SPART: variants seen among roughly 807,000 people sequenced by gnomAD.
SPART encodes the protein spartin.
A neutral mutation model predicts 58.7 loss-of-function variants in SPART; 35 were observed. The ratio of observed to expected loss-of-function variants is 0.60; its 90% CI spans 0.46 to 0.79. SPART has a LOEUF of 0.79. Among genes scored for constraint, SPART ranks in the 30% least tolerant of loss-of-function variants. SPART has a pLI of 0.00. For missense variants in SPART, 730 were observed against 786.1 expected (o/e 0.93, Z 0.85); for synonymous variants, 284 against 280.7 (o/e 1.01, Z -0.12).
At chr13:36,362,088 C>T (rs1021413681) in intron 1 of SPART, among the ~76,000 whole-genome samples, 6 of 152,176 alleles carry the variant, frequency 3.9e-5, no homozygotes, top group African/African-American at 9.7e-5. Context: ...TGGTGGCTCA[C>T]GCCTGTAATC....
chr13:36,344,384 G>C (rs911011489), intron 1 of SPART, among the ~76,000 whole-genome samples: 15 of 152,082 alleles, frequency 9.9e-5, no homozygotes, highest in Admixed American at 7.2e-4. Flanking sequence ...GAGTGTGCCT[G>C]TGTGTAGGGG....
At chr13:36,316,446 A>C (rs969138707) in intron 5 of SPART, among the ~76,000 whole-genome samples, 3 of 152,148 alleles carry the variant, frequency 2.0e-5, no homozygotes, top group African/African-American at 7.2e-5. Context: ...ACCTTAACTG[A>C]TGACATTCTA....
In SPART at chr13:36,314,211, T is replaced by C. The variant is rs1319197287; in HGVS notation, c.1483+16A>G. 3 of 1,612,290 alleles carry C rather than the reference T, an allele frequency of 1.9e-6. No homozygotes were observed. Among genetic ancestry groups the C allele is most frequent in the Non-Finnish European group, 2.5e-6 (3 of 1,178,746 alleles). ...AATATAACTTTAAAAAGTAAAGTTA[T>C]CTAGAATTACTTTACCCAGGAACTG... On this transcript the variant is annotated intron_variant, in intron 6 of 8. Coordinates refer to ENST00000438666, the MANE Select transcript of SPART (RefSeq NM_015087.5).
intron 1 of SPART, among the ~76,000 whole-genome samples, chr13:36,342,623 G>A (rs1035895611): frequency 5.3e-5 from 8 of 152,006 alleles, no homozygotes; most frequent in African/African-American, 7.3e-5. Flanking sequence ...CCCTCATCCC[G>A]GTTGTGACAA....
intron 1 of SPART, among the ~76,000 whole-genome samples, chr13:36,338,053 G>A (rs1884193589): frequency 6.6e-6 from 1 of 152,164 alleles, no homozygotes; most frequent in African/African-American, 2.4e-5. Flanking sequence ...AGATGGAAAA[G>A]GCTGAGATAT....
At chr13:36,321,847 C>T (rs1882436705) in intron 5 of SPART, among the ~76,000 whole-genome samples, 2 of 152,112 alleles carry the variant, frequency 1.3e-5, no homozygotes, top group Admixed American at 6.5e-5. Context: ...GTGAATATGC[C>T]CTGCCCCACC....
At chr13:36,348,641 A>C (rs577085554), upstream of SPART, among the ~76,000 whole-genome samples, 1 of 152,348 alleles carries the variant, frequency 6.6e-6, no homozygotes, top group Non-Finnish European at 1.5e-5. Context: ...AAATAAATGT[A>C]ATAAGTGCAA....
At chr13:36,359,391 A>G (rs1885750200) in intron 1 of SPART, among the ~76,000 whole-genome samples, 1 of 152,236 alleles carries the variant, frequency 6.6e-6, no homozygotes, top group Admixed American at 6.5e-5. Flanking sequence ...AAGAGGTAAT[A>G]TACTTTGGAA....
rs1291285356 is a variant in SPART at position 36,302,392 on chromosome 13, A to C, written c.*1973T>G. ...GAGAGTGAATAAGTTAGGCTTGTGG[A>C]CCATATACTCTCTGATGCAACTATT... On this transcript the variant is annotated 3_prime_UTR_variant, in exon 9 of 9. Transcript: ENST00000438666. 1 of 152,168 alleles carries C rather than the reference A, an allele frequency of 6.6e-6. No homozygotes were observed. Among genetic ancestry groups the C allele is most frequent in the Admixed American group, 6.5e-5 (1 of 15,272 alleles). 9.4% of individuals were successfully genotyped at this position (152,168 alleles called of 1,614,324 possible).
intron 5 of SPART, among the ~76,000 whole-genome samples, chr13:36,316,796 G>C (rs1238510082): frequency 6.6e-6 from 1 of 152,122 alleles, no homozygotes; most frequent in African/African-American, 2.4e-5. Context: ...CTCGGATCAG[G>C]GGACCTCCCT....
chr13:36,346,846 G>A (rs1416923732), upstream of SPART: 1 of 152,346 alleles, frequency 6.6e-6, no homozygotes, highest in African/African-American at 2.4e-5. Flanking sequence ...GCCGCTAGAG[G>A]GAGCGCTGGG....
intron 1 of SPART, among the ~76,000 whole-genome samples, chr13:36,368,603 A>G (rs1650678786): frequency 6.6e-6 from 1 of 152,242 alleles, no homozygotes; most frequent in African/African-American, 2.4e-5. Flanking sequence ...GAGGCTATCA[A>G]TATTATAGGT....
At position 36,342,044 on chromosome 13, in the gene SPART, T is replaced by C. The variant is rs545965717; in HGVS notation, c.-3+4181A>G. 1.2e-3 allele frequency among the ~76,000 whole-genome samples: 176 copies of C among 152,320 alleles called. 1 individual carries two copies. Among genetic ancestry groups the C allele is most frequent in the African/African-American group, 3.8e-3 (156 of 41,568 alleles). The stretch of plus-strand genomic sequence containing the variant: ...GGTTAAATAGGCATCTGTGAGTTGA[T>C]TGGGAGCTTCACCAGCATCATTAAA... On this transcript the variant is annotated intron_variant, in intron 1 of 8. Coordinates refer to ENST00000438666, the MANE Select transcript of SPART (RefSeq NM_015087.5).
exon 1 of SPART, chr13:36,370,149 T>C (rs901372931): frequency 6.6e-6 from 1 of 152,246 alleles, no homozygotes; most frequent in African/African-American, 2.4e-5. Flanking sequence ...GAAGAAAACA[T>C]GCACAGACGG....
Position 36,335,690 on chromosome 13 carries a change from C to CTTATAGTAGT in SPART, c.131_140dup (p.Gln48LeufsTer3). ...CTCTGAGCAGGTGTCCTATTCCTTG[C>CTTATAGTAGT]TTATAGTAGTTCTTTGCTTCTTCCT... On this transcript the variant is annotated stop_gained and frameshift_variant, in exon 2 of 9. Coordinates refer to ENST00000438666, the MANE Select transcript of SPART (RefSeq NM_015087.5). LOFTEE classifies it high-confidence loss of function. The CTTATAGTAGT allele has an allele frequency of 1.9e-6, 3 of 1,614,096 alleles. No homozygotes were observed. Among genetic ancestry groups the CTTATAGTAGT allele is most frequent in the Non-Finnish European group, 2.5e-6 (3 of 1,179,998 alleles).
Position 36,353,242 on chromosome 13 carries a change from C to T in SPART, c.-3+16847G>A, listed in dbSNP as rs77059053. On this transcript the variant is annotated intron_variant, in intron 1 of 8. Transcript: ENST00000355182. ...CAAGACAAATATGTAAAGAATGAGA[C>T]GAAGAATGATGCTGAGAGAACCCAT... Among the ~76,000 whole-genome samples, 28 of 152,220 alleles carry T rather than the reference C, an allele frequency of 1.8e-4. 1 individual carries two copies. The highest frequency in any genetic ancestry group is 6.8e-3 in the Middle Eastern group (2 of 294).
intron 4 of SPART, among the ~76,000 whole-genome samples, chr13:36,328,776 T>G (rs528897262): frequency 7.2e-5 from 11 of 152,006 alleles, no homozygotes; most frequent in South Asian, 4.2e-4. Context: ...AAATCAAATC[T>G]CTGTCCTGTT....
intron 1 of SPART, chr13:36,345,389 G>A (rs1884993932): frequency 6.6e-6 from 1 of 152,162 alleles, no homozygotes; most frequent in Admixed American, 6.5e-5. Flanking sequence ...TATAGGTGCA[G>A]TCTTCTATTA....
At chr13:36,358,142 A>G (rs976508113) in intron 1 of SPART, among the ~76,000 whole-genome samples, 2 of 152,208 alleles carry the variant, frequency 1.3e-5, no homozygotes, top group African/African-American at 4.8e-5. Flanking sequence ...AAAACCTGCT[A>G]TTTTATGAGA....
Sources: gnomAD v4.1 joint callset for allele counts (sites outside exome capture counted in the v4.1 genomes callset) on GRCh38, gnomAD v4.1.1 for gene constraint, MANE v1.5 for transcripts, NCBI Gene and HGNC (gene_info 2026-07-23, HGNC 2026-07-21) for gene names.